The following VEPH1 variants were observed in gnomAD, a reference collection of about 807,000 sequenced individuals.
VEPH1 encodes the protein ventricular zone expressed PH domain containing 1, also known as ventricular zone-expressed PH domain-containing protein homolog 1.
A neutral mutation model predicts 85.2 loss-of-function variants in VEPH1; 80 were observed. That is an observed-to-expected ratio of 0.94 (90% CI 0.78 to 1.13). The LOEUF is 1.13. Among genes scored for constraint, VEPH1 ranks in the 50% most tolerant of loss-of-function variants. The pLI is 0.00. For missense variants in VEPH1, 955 were observed against 980.5 expected, an observed-to-expected ratio of 0.97 and a Z score of 0.35; for synonymous variants, 297 against 348.0, an observed-to-expected ratio of 0.85 and a Z score of 1.63.
intron 1 of VEPH1, among the ~76,000 whole-genome samples, chr3:157,498,959 A>G (rs1282263977): frequency 6.6e-6 from 1 of 152,152 alleles, no homozygotes; most frequent in East Asian, 1.9e-4. Context: ...TCTACACATC[A>G]ACCTTTTTGC....
intron 6 of VEPH1, among the ~76,000 whole-genome samples, chr3:157,391,941 GA>G (rs1729897839): frequency 1.1e-4 from 2 of 17,566 alleles, no homozygotes; most frequent in African/African-American, 6.5e-4. Flanking sequence ...CACTCTTAAA[GA>G]AAAGAAATTT....
chr3:157,470,169 G>A (rs940937946), intron 3 of VEPH1, 145 bp downstream of exon 3: 18 of 709,072 alleles, frequency 2.5e-5, no homozygotes, highest in South Asian at 3.7e-5. Context: ...ATTAATTACC[G>A]GCCCTCCCAG....
At chr3:157,381,802 A>G (rs9871290) in intron 6 of VEPH1, 116,444 of 164,226 alleles carry the variant, frequency 0.71, 42,372 homozygotes, top group African/African-American at 0.87. Context: ...GCTGACTCAG[A>G]GAGCTAGCTC....
chr3:157,351,802 T>G (rs1358752437), intron 9 of VEPH1, among the ~76,000 whole-genome samples: 1 of 152,200 alleles, frequency 6.6e-6, no homozygotes, highest in Non-Finnish European at 1.5e-5. Flanking sequence ...TTTCAACCAT[T>G]GCTGATATTT....
Position 157,304,038 on chromosome 3 carries a change from T to TATACAC in VEPH1, c.2010+9582_2010+9583insGTGTAT. Among the ~76,000 whole-genome samples the TATACAC allele has an allele frequency of 5.2e-4, 50 of 96,876 alleles. 1 individual carries two copies. The highest frequency in any genetic ancestry group is 1.5e-3 in the African/African-American group (49 of 32,666). The allele number at this position is 96,876 out of a possible 152,430, so 63.6% of individuals were successfully genotyped here. On this transcript the variant is annotated intron_variant, in intron 11 of 13. Coordinates refer to ENST00000362010, the MANE Select transcript of VEPH1 (RefSeq NM_001167912.2). ...CTTATATTTTTTATATATATATATATACACACATACTGTTACATCTTATAT... is the reference window on the plus strand; with the variant it reads ...CTTATATTTTTTATATATATATATATATACACACACACATACTGTTACATCTTATAT...
intron 4 of VEPH1, among the ~76,000 whole-genome samples, chr3:157,453,966 T>C (rs1267740741): frequency 6.6e-6 from 1 of 152,194 alleles, no homozygotes; most frequent in Non-Finnish European, 1.5e-5. Flanking sequence ...ATTTAGAAAG[T>C]GTACTTTGTG....
chr3:157,284,736 G>T (rs1716562705), intron 12 of VEPH1, among the ~76,000 whole-genome samples: 2 of 151,470 alleles, frequency 1.3e-5, no homozygotes, highest in South Asian at 4.2e-4. Flanking sequence ...GTAGCAAAAG[G>T]AAATGAGCAA....
chr3:157,316,444 T>G (rs1720764621), intron 10 of VEPH1, among the ~76,000 whole-genome samples: 1 of 151,564 alleles, frequency 6.6e-6, no homozygotes, highest in South Asian at 2.1e-4. Flanking sequence ...TTTTCTTATC[T>G]GTAAAAATGA....
intron 5 of VEPH1, among the ~76,000 whole-genome samples, chr3:157,426,423 A>G (rs927746158): frequency 1.2e-4 from 18 of 152,232 alleles, no homozygotes; most frequent in Non-Finnish European, 2.4e-4. Flanking sequence ...ATGGGAGCCT[A>G]GAAGTCAAAT....
intron 2 of VEPH1, among the ~76,000 whole-genome samples, 161 bp from the exon 3 acceptor site, chr3:157,470,690 T>C (rs1736858374): frequency 6.6e-6 from 1 of 152,038 alleles, no homozygotes; most frequent in Non-Finnish European, 1.5e-5. Context: ...TCCTTGGAGA[T>C]CCTAATCTTG....
chr3:157,452,918 A>G (rs1735092164), intron 4 of VEPH1, among the ~76,000 whole-genome samples: 1 of 151,672 alleles, frequency 6.6e-6, no homozygotes, highest in Admixed American at 6.6e-5. Flanking sequence ...CTCCTCCTCT[A>G]CTCCCAATCT....
At chr3:157,480,034 CTTT>C (rs11380437) in intron 2 of VEPH1, among the ~76,000 whole-genome samples, 1 of 146,960 alleles carries the variant, frequency 6.8e-6, no homozygotes, top group Non-Finnish European at 1.5e-5. Flanking sequence ...TTCTTTCATT[CTTT>C]TTTTCTTTCT....
At chr3:157,372,140 G>A (rs1009834328) in intron 7 of VEPH1, among the ~76,000 whole-genome samples, 1 of 152,180 alleles carries the variant, frequency 6.6e-6, no homozygotes, top group Non-Finnish European at 1.5e-5. Flanking sequence ...GGATTAAAGA[G>A]CTAAGACATT....
In VEPH1 at chr3:157,276,894, ATT is replaced by A. The variant is rs36002636; in HGVS notation, c.2128+9661_2128+9662del. On this transcript the variant is annotated intron_variant, in intron 12 of 13. Coordinates refer to ENST00000362010, the MANE Select transcript of VEPH1 (RefSeq NM_001167912.2). Reference sequence around the variant, plus strand: ...CAGGAGAGTGGCAATGAAGAAGATAATTTTTTTTTTTTTTTTTGAGATAGGAT... The same window carrying A: ...CAGGAGAGTGGCAATGAAGAAGATAATTTTTTTTTTTTTTTGAGATAGGAT... 7.3e-3 allele frequency among the ~76,000 whole-genome samples: 1,027 copies of A among 141,554 alleles called. 8 individuals are homozygous for A. The highest frequency in any genetic ancestry group is 0.017 in the African/African-American group (652 of 37,974). 92.9% of individuals were successfully genotyped at this position (141,554 alleles called of 152,430 possible). A position where few individuals can be genotyped will look rare whatever the true frequency, so the allele number is the denominator to read the frequency against.
At position 157,438,037 on chromosome 3, in the gene VEPH1, G is replaced by GCGCGCACACACACA. The variant is rs1553786688; in HGVS notation, c.530-9550_530-9549insTGTGTGTGTGCGCG. Reference sequence around the variant, plus strand: ...TCATGGGAAGCGCGCGCGCGCGCGCGCACACACACACACACACACACACAC... The same window carrying GCGCGCACACACACA: ...TCATGGGAAGCGCGCGCGCGCGCGCGCGCGCACACACACACACACACACACACACACACACACAC... On this transcript the variant is annotated intron_variant, in intron 4 of 13. Coordinates refer to ENST00000362010, the MANE Select transcript of VEPH1 (RefSeq NM_001167912.2). 18 of 516,030 alleles carry GCGCGCACACACACA rather than the reference G, an allele frequency of 3.5e-5. No homozygotes were observed. In the Admixed American group the frequency reaches 3.9e-4, roughly 11 times the overall value. The allele number at this position is 516,030 out of a possible 1,614,324, so 32.0% of individuals were successfully genotyped here. A position where few individuals can be genotyped will look rare whatever the true frequency, so the allele number is the denominator to read the frequency against.
intron 6 of VEPH1, chr3:157,413,304 T>G (rs543883386): frequency 1.1e-4 from 26 of 231,490 alleles, no homozygotes; most frequent in African/African-American, 6.1e-4. Context: ...ATATTTAGCC[T>G]AGTACTTTTA....
chr3:157,428,639 T>C (rs1336636885), intron 4 of VEPH1, 151 bp from the exon 5 acceptor site: 6 of 687,880 alleles, frequency 8.7e-6, no homozygotes, highest in Non-Finnish European at 1.4e-5. Context: ...TGGTACCTTA[T>C]TCTGAGATTA....
intron 9 of VEPH1, among the ~76,000 whole-genome samples, chr3:157,325,999 C>T (rs766219027): frequency 1.8e-4 from 27 of 152,172 alleles, no homozygotes; most frequent in Middle Eastern, 3.4e-3. Context: ...GTGTCATCTC[C>T]GATTTCTTTG....
intron 11 of VEPH1, among the ~76,000 whole-genome samples, chr3:157,298,617 G>A (rs1009656144): frequency 6.6e-6 from 1 of 152,148 alleles, no homozygotes; most frequent in Admixed American, 6.5e-5. Context: ...ATAAAGAAAG[G>A]AGATTGCATG....
Sources: gnomAD v4.1 joint callset for allele counts (sites outside exome capture counted in the v4.1 genomes callset) on GRCh38, gnomAD v4.1.1 for gene constraint, MANE v1.5 for transcripts, NCBI Gene and HGNC (gene_info 2026-07-23, HGNC 2026-07-21) for gene names.